The following CHSY3 variants were observed in gnomAD, a reference collection of about 807,000 sequenced individuals.
CHSY3 encodes the protein chondroitin sulfate synthase 3.
CHSY3 carries 35 observed loss-of-function variants against 67.2 expected under a neutral mutation model. That is an observed-to-expected ratio of 0.52 (90% CI 0.40 to 0.69). The LOEUF (loss-of-function observed/expected upper bound fraction) is 0.69. Ranked by LOEUF, CHSY3 falls within the 30% of genes least tolerant of loss-of-function variation. The pLI is 0.00. For missense variants in CHSY3, 1,069 were observed against 1,138.5 expected, an observed-to-expected ratio of 0.94 and a Z score of 0.88; for synonymous variants, 474 against 434.7, an observed-to-expected ratio of 1.09 and a Z score of -1.12.
chr5:129,932,105 T>C (rs1229484059), intron 2 of CHSY3, among the ~76,000 whole-genome samples: 3 of 17,662 alleles, frequency 1.7e-4, no homozygotes, highest in African/African-American at 4.3e-4. Flanking sequence ...CATAAAACCA[T>C]ATATATATAT....
At chr5:129,962,746 T>C (rs796505617) in intron 2 of CHSY3, among the ~76,000 whole-genome samples, 5 of 152,152 alleles carry the variant, frequency 3.3e-5, no homozygotes, top group African/African-American at 1.2e-4. Context: ...CTCTGGACTC[T>C]GGCTTTTTTT....
intron 2 of CHSY3, among the ~76,000 whole-genome samples, chr5:130,034,946 G>A (rs892662197): frequency 2.6e-5 from 4 of 152,072 alleles, no homozygotes; most frequent in South Asian, 2.1e-4. Flanking sequence ...GATCAATATG[G>A]CTAGTACAGA....
chr5:130,184,625 C>T lies in CHSY3; in HGVS notation c.1483C>T (p.Leu495=). 1 of 1,606,340 alleles carries T rather than the reference C, an allele frequency of 6.2e-7. No homozygotes were observed. Among genetic ancestry groups the T allele is most frequent in the Non-Finnish European group, 8.5e-7 (1 of 1,172,878 alleles). The change falls in exon 3 of 3, where the codon CTG becomes TTG. Residue 495 remains leucine (L), a synonymous_variant. Transcript: ENST00000305031. ...QSLSSILRTA[L]DDTVLQVMEM... ...CCTCAGTAGCATTTTAAGAACAGCA[C>T]TGGATGATACCGTCCTACAGGTGAT... is the stretch of plus-strand genomic sequence containing the variant.
intron 2 of CHSY3, among the ~76,000 whole-genome samples, chr5:130,148,382 A>G (rs1266692325): frequency 6.6e-6 from 1 of 152,092 alleles, no homozygotes; most frequent in Non-Finnish European, 1.5e-5. Flanking sequence ...TTATGGTAGA[A>G]TGATTTGTAT....
At chr5:130,030,347 C>CAAA (rs1764671612) in intron 2 of CHSY3, among the ~76,000 whole-genome samples, 1 of 152,038 alleles carries the variant, frequency 6.6e-6, no homozygotes, top group Non-Finnish European at 1.5e-5. Context: ...TTTCCTTTAT[C>CAAA]CTATGTCAGA....
Position 129,918,969 on chromosome 5 carries a change from C to T in CHSY3, c.1086+10609C>T, listed in dbSNP as rs1243588517. 4.1e-4 allele frequency among the ~76,000 whole-genome samples: 61 copies of T among 148,094 alleles called. 1 individual carries two copies. The highest frequency in any genetic ancestry group is 3.0e-3 in the Admixed American group (45 of 14,886). ...AAAAATACAAAAAATTAGCCGGGCG[C>T]GGTGGCGGGCGCCTGTAGTCCCAGC... On this transcript the variant is annotated intron_variant, in intron 2 of 2. Coordinates refer to ENST00000305031, the MANE Select transcript of CHSY3 (RefSeq NM_175856.5).
At chr5:129,964,213 G>C (rs778547936) in intron 2 of CHSY3, among the ~76,000 whole-genome samples, 1 of 151,826 alleles carries the variant, frequency 6.6e-6, no homozygotes. Flanking sequence ...TGTGATCCTA[G>C]ACTAACTGAC....
chr5:130,148,360 A>G (rs959414847), intron 2 of CHSY3, among the ~76,000 whole-genome samples: 2 of 152,122 alleles, frequency 1.3e-5, no homozygotes, highest in Non-Finnish European at 1.5e-5. Flanking sequence ...CAGTGAACAC[A>G]TGCATGTGTC....
At position 129,991,139 on chromosome 5, in the gene CHSY3, C is replaced by T. The variant is rs77803828; in HGVS notation, c.1086+82779C>T. On this transcript the variant is annotated intron_variant, in intron 2 of 2. Transcript: ENST00000305031. ...ATCTGCATAATTCCTGGGATGGTGA[C>T]TAAAGAATTTAAGTTGAAGAATAGC... Among the ~76,000 whole-genome samples, 74 of 151,962 alleles carry T rather than the reference C, an allele frequency of 4.9e-4. No homozygotes were observed. The East Asian group carries it at 0.014, about 28-fold the overall frequency.
intron 2 of CHSY3, among the ~76,000 whole-genome samples, chr5:130,135,418 G>A (rs1450931938): frequency 6.6e-6 from 1 of 152,068 alleles, no homozygotes; most frequent in Non-Finnish European, 1.5e-5. Flanking sequence ...TGGAGTCACT[G>A]AAAAGATACT....
At chr5:130,077,818 T>C (rs560058605) in intron 2 of CHSY3, among the ~76,000 whole-genome samples, 1 of 151,998 alleles carries the variant, frequency 6.6e-6, no homozygotes, top group East Asian at 1.9e-4. Context: ...TATACACACA[T>C]ATATATACAC....
chr5:129,929,743 G>A (rs1053251320), intron 2 of CHSY3, among the ~76,000 whole-genome samples: 2 of 152,020 alleles, frequency 1.3e-5, no homozygotes, highest in Non-Finnish European at 2.9e-5. Flanking sequence ...TTAATTTCTA[G>A]GAGTGTCTTT....
At position 130,185,521 on chromosome 5, in the gene CHSY3, A is replaced by G. The variant is rs770939278; in HGVS notation, c.2379A>G (p.Ala793=). The G allele has an allele frequency of 1.9e-6, 3 of 1,614,174 alleles. No individual in the cohort carries two copies. The highest frequency in any genetic ancestry group is 2.5e-6 in the Non-Finnish European group (3 of 1,179,984). ...TCIYKSDLLG[A]GGFDTSIQGW... ...TTTACAAAAGTGATCTTCTAGGTGC[A>G]GGTGGATTTGATACCTCAATACAAG... is the stretch of plus-strand genomic sequence containing the variant. The change falls in exon 3 of 3, where the codon GCA becomes GCG. Residue 793 remains alanine (A), a synonymous_variant. Transcript: ENST00000305031.
chr5:129,979,115 G>A (rs1011886440), intron 2 of CHSY3, among the ~76,000 whole-genome samples: 2 of 144,888 alleles, frequency 1.4e-5, no homozygotes, highest in Non-Finnish European at 3.0e-5. Context: ...CAGGAGAATA[G>A]CGTGAACCTG....
chr5:130,119,545 C>A (rs966539674), intron 2 of CHSY3, among the ~76,000 whole-genome samples: 4 of 152,062 alleles, frequency 2.6e-5, no homozygotes, highest in African/African-American at 9.7e-5. Flanking sequence ...GGCAGCAGCA[C>A]CTGGTCTGTA....
At position 129,905,618 on chromosome 5, in the gene CHSY3, T is replaced by C; in HGVS notation, c.789T>C (p.Asp263=). The change falls in exon 1 of 3, where the codon GAT becomes GAC. Residue 263 remains aspartate, a synonymous_variant. Transcript: ENST00000305031. ...AGTGGTTCATGCGCGCCGACGACGA[T>C]GTCTACATCAAAGGTGACCTCCCTG... ...KYEWFMRADD[D]VYIKGDKLEE... 6.2e-7 allele frequency: 1 copy of C among 1,613,580 alleles called. No homozygotes were observed.
At chr5:130,140,837 C>T in intron 2 of CHSY3, 1 of 259,514 alleles carries the variant, frequency 3.9e-6, no homozygotes, top group East Asian at 1.4e-4. Context: ...ATGTGCTAAG[C>T]ATATTCTCTC....
chr5:129,984,169 C>G (rs1234900313), intron 2 of CHSY3, among the ~76,000 whole-genome samples: 1 of 152,032 alleles, frequency 6.6e-6, no homozygotes, highest in Non-Finnish European at 1.5e-5. Context: ...GTTTTTCAAT[C>G]CTTACTCTCC....
chr5:129,981,772 G>A (rs190599708), intron 2 of CHSY3, among the ~76,000 whole-genome samples: 1 of 152,234 alleles, frequency 6.6e-6, no homozygotes, highest in African/African-American at 2.4e-5. Context: ...GGATATCCTT[G>A]CCCTGAGCTT....
Sources: allele counts gnomAD v4.1 joint callset (sites outside exome capture counted in the v4.1 genomes callset), GRCh38; gene constraint gnomAD v4.1.1; transcripts MANE v1.5; gene names NCBI Gene and HGNC (gene_info 2026-07-23, HGNC 2026-07-21).